Variants in ANKS1B observed in about 807,000 individuals in gnomAD.
The protein encoded by ANKS1B is ankyrin repeat and sterile alpha motif domain-containing protein 1B.
A neutral mutation model predicts 148.3 loss-of-function variants in ANKS1B; 36 were observed. The observed-to-expected ratio is 0.24, with a 90% confidence interval of 0.19 to 0.32. The LOEUF (loss-of-function observed/expected upper bound fraction) is 0.32. Ranked by LOEUF, ANKS1B falls within the 10% of genes least tolerant of loss-of-function variation. The pLI, the probability that ANKS1B is intolerant of heterozygous loss-of-function variation, is 1.00. For missense variants in ANKS1B, 1,157 were observed against 1,542.6 expected (o/e 0.75, Z 4.19); for synonymous variants, 542 against 560.8 (o/e 0.97, Z 0.47).
chr12:99,835,600 A>C (rs1456946646), intron 1 of ANKS1B, among the ~76,000 whole-genome samples: 2 of 152,206 alleles, frequency 1.3e-5, no homozygotes, highest in East Asian at 3.8e-4. Context: ...GATGTTTCAC[A>C]TTCTTTTTTG....
intron 19 of ANKS1B, among the ~76,000 whole-genome samples, chr12:98,811,897 G>A (rs1210616483): frequency 6.6e-6 from 1 of 151,990 alleles, no homozygotes; most frequent in Admixed American, 6.6e-5. Context: ...ACTACTCACA[G>A]AAATTTACCA....
At chr12:98,991,636 G>T (rs908022601) in intron 17 of ANKS1B, among the ~76,000 whole-genome samples, 1 of 152,098 alleles carries the variant, frequency 6.6e-6, no homozygotes, top group Non-Finnish European at 1.5e-5. Context: ...ACACAATCTG[G>T]TAACCTATTT....
At chr12:99,260,809 A>G (rs1460991022) in intron 12 of ANKS1B, among the ~76,000 whole-genome samples, 1 of 152,184 alleles carries the variant, frequency 6.6e-6, no homozygotes, top group Non-Finnish European at 1.5e-5. Context: ...CAATTAAAGA[A>G]GACATTGTAA....
At chr12:99,094,058 A>C (rs1459667420) in intron 15 of ANKS1B, among the ~76,000 whole-genome samples, 1 of 152,220 alleles carries the variant, frequency 6.6e-6, no homozygotes, top group Non-Finnish European at 1.5e-5. Flanking sequence ...GCTACCACTG[A>C]GGCAGGCATT....
chr12:99,754,293 T>G (rs2061375575), intron 8 of ANKS1B, among the ~76,000 whole-genome samples: 1 of 152,052 alleles, frequency 6.6e-6, no homozygotes. Flanking sequence ...AAGGGTTCAA[T>G]TAAGAAGATC....
chr12:99,783,470 GTTAAA>G (rs1194262231), intron 4 of ANKS1B, among the ~76,000 whole-genome samples: 1 of 152,096 alleles, frequency 6.6e-6, no homozygotes, highest in Non-Finnish European at 1.5e-5. Flanking sequence ...TCGAGAAATT[GTTAAA>G]TTAAATCATT....
chr12:99,850,502 A>G (rs985886807), intron 1 of ANKS1B, among the ~76,000 whole-genome samples: 4 of 151,980 alleles, frequency 2.6e-5, no homozygotes, highest in Non-Finnish European at 4.4e-5. Flanking sequence ...AAGTAACCCA[A>G]ATTCTCTATC....
intron 19 of ANKS1B, among the ~76,000 whole-genome samples, chr12:98,825,785 A>G (rs536930767): frequency 9.2e-5 from 14 of 152,274 alleles, no homozygotes; most frequent in Admixed American, 4.6e-4. Flanking sequence ...GAAGACTGCA[A>G]TTAGGTCCTA....
At chr12:98,782,015 T>C in intron 23 of ANKS1B, 111 bp downstream of exon 23, 1 of 933,168 alleles carries the variant, frequency 1.1e-6, no homozygotes, top group Non-Finnish European at 1.7e-6. Flanking sequence ...ATTTAGTATG[T>C]GCCTTTCCTG....
intron 11 of ANKS1B, among the ~76,000 whole-genome samples, chr12:99,403,388 C>T (rs1225054947): frequency 7.0e-6 from 1 of 143,686 alleles, no homozygotes; most frequent in African/African-American, 2.7e-5. Flanking sequence ...AACTCCTGGC[C>T]TCAAGTGATC....
chr12:99,865,924 G>A (rs1314556280), intron 1 of ANKS1B, among the ~76,000 whole-genome samples: 1 of 151,972 alleles, frequency 6.6e-6, no homozygotes, highest in African/African-American at 2.4e-5. Flanking sequence ...TCTTGGTGGT[G>A]CTACAAGTCA....
chr12:98,919,258 TAA>T (rs1017039580), intron 17 of ANKS1B, among the ~76,000 whole-genome samples: 1 of 152,148 alleles, frequency 6.6e-6, no homozygotes, highest in Non-Finnish European at 1.5e-5. Context: ...TGTACTAAAT[TAA>T]AAAAGAGGAT....
At chr12:99,925,669 C>G (rs2033048833) in intron 1 of ANKS1B, among the ~76,000 whole-genome samples, 1 of 151,934 alleles carries the variant, frequency 6.6e-6, no homozygotes, top group South Asian at 2.1e-4. Context: ...TAAGCTTCGT[C>G]AAAAGGAGGG....
intron 10 of ANKS1B, among the ~76,000 whole-genome samples, chr12:99,444,890 C>CA (rs1462186567): frequency 6.6e-6 from 1 of 151,512 alleles, no homozygotes; most frequent in Non-Finnish European, 1.5e-5. Flanking sequence ...TACAGGAATT[C>CA]ATCAAGGCAT....
intron 14 of ANKS1B, among the ~76,000 whole-genome samples, chr12:99,177,346 C>T (rs1268547349): frequency 6.6e-6 from 1 of 151,992 alleles, no homozygotes; most frequent in African/African-American, 2.4e-5. Context: ...ATGACATAAA[C>T]TTTTTTTTAT....
In ANKS1B at chr12:98,928,515, T is replaced by C. The variant is rs143027642; in HGVS notation, c.2779-96379A>G. On this transcript the variant is annotated intron_variant, in intron 17 of 26. Transcript: ENST00000683438. ...TAAAGATCAATATATCTTATGCATA[T>C]TGATGCAACAATTCTCTAGAAAATA... Among the ~76,000 whole-genome samples, 627 of 152,140 alleles carry C rather than the reference T, an allele frequency of 4.1e-3. 6 individuals carry two copies. The highest frequency in any genetic ancestry group is 7.0e-3 in the Non-Finnish European group (478 of 67,902).
chr12:99,504,485 G>C lies in ANKS1B; in HGVS notation c.1429C>G (p.Pro477Ala), dbSNP rs1351288247. Residue 477 changes from proline (P) to alanine (A), a missense_variant, in exon 10 of 27, where the codon CCA becomes GCA. Coordinates refer to ENST00000683438, the MANE Select transcript of ANKS1B (RefSeq NM_001352186.2). ...GAGTAAGAGATATTACCAGTTCTTGGGGAAGGTGCCCTTGCAATTTCTAAG... is the reference window on the plus strand; with the variant it reads ...GAGTAAGAGATATTACCAGTTCTTGCGGAAGGTGCCCTTGCAATTTCTAAG... Reference protein sequence around the residue: ...CSLEIARAPSPRTDNASEVAV... With the variant: ...CSLEIARAPSARTDNASEVAV... The C allele has an allele frequency of 2.5e-6, 4 of 1,612,054 alleles. No homozygotes were observed. The highest frequency in any genetic ancestry group is 2.2e-5 in the East Asian group (1 of 44,800).
chr12:99,179,929 C>T (rs1448835005), intron 14 of ANKS1B, among the ~76,000 whole-genome samples: 7 of 152,112 alleles, frequency 4.6e-5, no homozygotes, highest in Non-Finnish European at 8.8e-5. Flanking sequence ...CTTAATCAAC[C>T]CCAACTGCAT....
At chr12:99,852,869 G>A (rs2088196299) in intron 1 of ANKS1B, among the ~76,000 whole-genome samples, 1 of 152,196 alleles carries the variant, frequency 6.6e-6, no homozygotes, top group African/African-American at 2.4e-5. Context: ...GGTTCTATTG[G>A]GAGGGCACAG....
Sources: allele counts gnomAD v4.1 joint callset (sites outside exome capture counted in the v4.1 genomes callset), GRCh38; gene constraint gnomAD v4.1.1; transcripts MANE v1.5; gene names NCBI Gene and HGNC (gene_info 2026-07-23, HGNC 2026-07-21).